The following SMG6 variants were observed in gnomAD, a reference collection of about 807,000 sequenced individuals.
SMG6 encodes the protein telomerase-binding protein EST1A.
In SMG6, 66 loss-of-function variants were observed where a neutral mutation model predicts 142.2. The ratio of observed to expected loss-of-function variants is 0.46; its 90% CI spans 0.38 to 0.57. SMG6 has a LOEUF of 0.57. Among genes scored for constraint, SMG6 ranks in the 20% least tolerant of loss-of-function variants. The probability of loss-of-function intolerance (pLI) is 0.00; values close to 1 mark genes in which losing one functional copy is unlikely to be tolerated. For synonymous variants in SMG6, 779 were observed against 702.4 expected, an observed-to-expected ratio of 1.11 and a Z score of -1.72; for missense variants, 1,793 against 1,832.0, an observed-to-expected ratio of 0.98 and a Z score of 0.39.
At chr17:2,220,660 A>C (rs1325548343) in intron 10 of SMG6, among the ~76,000 whole-genome samples, 3 of 152,346 alleles carry the variant, frequency 2.0e-5, no homozygotes, top group Non-Finnish European at 2.9e-5. Flanking sequence ...AACATGATTC[A>C]GTTTATACTA....
intron 13 of SMG6, among the ~76,000 whole-genome samples, chr17:2,100,388 G>A (rs1447739650): frequency 1.3e-5 from 2 of 152,058 alleles, no homozygotes; most frequent in African/African-American, 2.4e-5. Flanking sequence ...GGCCAGTCTG[G>A]GCTTGAACTC....
chr17:2,301,589 T>C (rs549300472), intron 1 of SMG6, among the ~76,000 whole-genome samples: 3 of 152,286 alleles, frequency 2.0e-5, no homozygotes, highest in African/African-American at 7.2e-5. Context: ...ACGCCTGTAA[T>C]CCCAGCACTT....
intron 13 of SMG6, among the ~76,000 whole-genome samples, chr17:2,104,902 A>T (rs1239827081): frequency 2.0e-5 from 3 of 151,912 alleles, no homozygotes; most frequent in African/African-American, 7.3e-5. Context: ...GAGTATAGGG[A>T]AAGGTCTCTA....
intron 13 of SMG6, chr17:2,087,434 A>G: frequency 8.4e-7 from 1 of 1,185,666 alleles, no homozygotes; most frequent in Non-Finnish European, 1.1e-6. Flanking sequence ...GCTTTCCTAC[A>G]CGGTCTAGGA....
intron 13 of SMG6, among the ~76,000 whole-genome samples, chr17:2,113,057 CTTTTA>C (rs150486802): frequency 0.019 from 2,850 of 151,010 alleles, 100 homozygotes; most frequent in African/African-American, 0.066. Context: ...TGTTCCCAGC[CTTTTA>C]TTTTCTTTTT....
In SMG6 at chr17:2,071,781, C is replaced by T. The variant is rs919301791; in HGVS notation, c.3682-2850G>A. ...TGGGTCACAAGACTGGCTCAGTCCCCTTAAAAAGAGTGGCAGGCGGAGGAG... is the reference window on the plus strand; with the variant it reads ...TGGGTCACAAGACTGGCTCAGTCCCTTTAAAAAGAGTGGCAGGCGGAGGAG... On this transcript the variant is annotated intron_variant, in intron 15 of 18. Transcript: ENST00000263073. This position sits in a 1 kb window ranked among gnomAD's most constrained non-coding sequence, Gnocchi z 5.6. The T allele has an allele frequency of 1.3e-5, 2 of 152,274 alleles. No homozygotes were observed. Among genetic ancestry groups the T allele is most frequent in the African/African-American group, 4.8e-5 (2 of 41,418 alleles). The allele number at this position is 152,274 out of a possible 1,614,324, so 9.4% of individuals were successfully genotyped here. A position where few individuals can be genotyped will look rare whatever the true frequency, so the allele number is the denominator to read the frequency against.
intron 16 of SMG6, chr17:2,065,999 T>TTTA: frequency 2.6e-6 from 1 of 382,488 alleles, no homozygotes; most frequent in East Asian, 5.4e-5. Context: ...GTTACAGGAC[T>TTTA]CACGTGAAAG....
chr17:2,173,979 T>TA (rs2071585293), intron 12 of SMG6, among the ~76,000 whole-genome samples: 1 of 149,320 alleles, frequency 6.7e-6, no homozygotes, highest in South Asian at 2.1e-4. Context: ...CTGGAACAGA[T>TA]AATATCCTAT....
rs2067763344 is a variant in SMG6, at chr17:2,061,169, C to G, written c.*323G>C. ...CCCAGGCGAGAAGGCCCTCCCTCAG[C>G]CTTGGAATGAGACGGGGGAGGGAGA... On this transcript the variant is annotated 3_prime_UTR_variant, in exon 19 of 19. Coordinates refer to ENST00000263073, the MANE Select transcript of SMG6 (RefSeq NM_017575.5). The G allele has an allele frequency of 3.7e-6, 1 of 270,690 alleles. No individual in the cohort carries two copies. Among genetic ancestry groups the G allele is most frequent in the Non-Finnish European group, 7.3e-6 (1 of 136,774 alleles). The allele number at this position is 270,690 out of a possible 1,614,324, so 16.8% of individuals were successfully genotyped here.
In SMG6 at chr17:2,186,821, G is replaced by A. The variant is rs1323440294; in HGVS notation, c.2997C>T (p.Ser999=). The change falls in exon 12 of 19, where the codon TCC becomes TCT. Residue 999 remains serine, a synonymous_variant. Transcript: ENST00000263073. ...CTTGGTCATCCTGGTCCTCAGGAGA[G>A]GACAGCTGAGCTGCAGAGGCAAAGG... ...LLKESAKAQL[S]SPEDQDDQDD... 6.8e-6 allele frequency: 11 copies of A among 1,613,988 alleles called. No individual in the cohort carries two copies. Among genetic ancestry groups the A allele is most frequent in the Non-Finnish European group, 9.3e-6 (11 of 1,180,012 alleles).
At chr17:2,153,719 T>C (rs1457929940) in intron 13 of SMG6, among the ~76,000 whole-genome samples, 1 of 134,074 alleles carries the variant, frequency 7.5e-6, no homozygotes, top group Non-Finnish European at 1.6e-5. Flanking sequence ...GCATGTAGAG[T>C]GTGACGGTGA....
intron 4 of SMG6, 99 bp downstream of exon 4, chr17:2,297,144 T>C: frequency 1.3e-6 from 1 of 791,708 alleles, no homozygotes; most frequent in Non-Finnish European, 2.0e-6. Context: ...ATCATTATTT[T>C]ATCCTCAACA....
chr17:2,272,942 A>C (rs946137506), intron 8 of SMG6, among the ~76,000 whole-genome samples: 2 of 151,778 alleles, frequency 1.3e-5, no homozygotes, highest in Non-Finnish European at 2.9e-5. Flanking sequence ...AAAAAAAAAA[A>C]GTGTCCTTTT....
chr17:2,128,833 AAGAG>A (rs1555541008), intron 13 of SMG6, among the ~76,000 whole-genome samples: 11 of 149,138 alleles, frequency 7.4e-5, no homozygotes, highest in South Asian at 4.2e-4. Flanking sequence ...AAAAAAAAAA[AAGAG>A]AGAGAGAGAA....
chr17:2,248,641 A>G (rs2073974857), intron 8 of SMG6, among the ~76,000 whole-genome samples: 1 of 152,204 alleles, frequency 6.6e-6, no homozygotes, highest in Non-Finnish European at 1.5e-5. Flanking sequence ...AACTATACAC[A>G]CACTCTCCCT....
At chr17:2,280,698 A>C in intron 8 of SMG6, 1 of 590,268 alleles carries the variant, frequency 1.7e-6, no homozygotes, top group Non-Finnish European at 2.1e-6. Flanking sequence ...TTTCATCAAT[A>C]GTTTAGAAAA....
At chr17:2,104,006 T>A (rs1308311598) in intron 13 of SMG6, among the ~76,000 whole-genome samples, 1 of 151,590 alleles carries the variant, frequency 6.6e-6, no homozygotes, top group Non-Finnish European at 1.5e-5. Flanking sequence ...GGCAGGAGTG[T>A]AATGGCACGA....
At chr17:2,161,134 T>A (rs866297687) in intron 13 of SMG6, among the ~76,000 whole-genome samples, 182 of 150,140 alleles carry the variant, frequency 1.2e-3, no homozygotes, top group African/African-American at 4.4e-3. Flanking sequence ...AGAGATGGAG[T>A]TTTGCTCTGG....
chr17:2,183,874 T>C (rs1199761674), intron 12 of SMG6, among the ~76,000 whole-genome samples: 3 of 148,692 alleles, frequency 2.0e-5, no homozygotes, highest in East Asian at 2.0e-4. Context: ...GACAGACAGG[T>C]AGGTAAAAGG....
Sources: allele counts gnomAD v4.1 joint callset (sites outside exome capture counted in the v4.1 genomes callset), GRCh38; gene constraint gnomAD v4.1.1; non-coding constraint Gnocchi (gnomAD v3.1); transcripts MANE v1.5; gene names NCBI Gene and HGNC (gene_info 2026-07-23, HGNC 2026-07-21).